ANO4: variants seen among roughly 807,000 people sequenced by gnomAD.
ANO4 encodes anoctamin 4.
A neutral mutation model predicts 141.9 loss-of-function variants in ANO4; 69 were observed. The ratio of observed to expected loss-of-function variants is 0.49; its 90% CI spans 0.40 to 0.59. The LOEUF is 0.59. Ranked by LOEUF, ANO4 falls within the 20% of genes least tolerant of loss-of-function variation. The pLI is 0.00. For synonymous variants in ANO4, 350 were observed against 394.3 expected, an observed-to-expected ratio of 0.89 and a Z score of 1.33; for missense variants, 894 against 1,162.2, an observed-to-expected ratio of 0.77 and a Z score of 3.36.
At chr12:101,003,471 TC>T (rs1455988562) in intron 8 of ANO4, among the ~76,000 whole-genome samples, 1 of 152,218 alleles carries the variant, frequency 6.6e-6, no homozygotes, top group Non-Finnish European at 1.5e-5. Flanking sequence ...ATATGCTTTC[TC>T]CAGGCAGGGA....
At chr12:100,960,096 A>AGAGCTCATGATATGGCTC (rs2043347772) in intron 5 of ANO4, among the ~76,000 whole-genome samples, 1 of 152,166 alleles carries the variant, frequency 6.6e-6, no homozygotes. Flanking sequence ...CTCAATGGCT[A>AGAGCTCATGATATGGCTC]GAGCTCATGA....
intron 22 of ANO4, 82 bp downstream of exon 22, chr12:101,099,802 A>G (rs2050123998): frequency 8.1e-7 from 1 of 1,232,882 alleles, no homozygotes; most frequent in East Asian, 2.7e-5. Context: ...ACCCGTTATC[A>G]TCAAGGTCCT....
intron 14 of ANO4, among the ~76,000 whole-genome samples, chr12:101,075,650 C>T (rs614396): frequency 0.69 from 102,832 of 148,718 alleles, 36,267 homozygotes; most frequent in East Asian, 0.88. Context: ...TATATATATA[C>T]ACACACACAC....
chr12:100,800,780 G>T (rs1225047230), intron 1 of ANO4, among the ~76,000 whole-genome samples: 1 of 152,150 alleles, frequency 6.6e-6, no homozygotes, highest in Non-Finnish European at 1.5e-5. Flanking sequence ...TGCATATCAG[G>T]CCCATAACAG....
At chr12:100,865,005 C>T (rs1237521835) in intron 1 of ANO4, among the ~76,000 whole-genome samples, 1 of 152,098 alleles carries the variant, frequency 6.6e-6, no homozygotes, top group Admixed American at 6.6e-5. Context: ...TGTATATGTG[C>T]CACATTTTCT....
intron 8 of ANO4, among the ~76,000 whole-genome samples, chr12:101,018,096 G>T (rs1281494361): frequency 1.3e-5 from 2 of 152,152 alleles, no homozygotes; most frequent in Admixed American, 1.3e-4. Context: ...TCAGCTTTCA[G>T]TTATCATCTA....
intron 14 of ANO4, among the ~76,000 whole-genome samples, chr12:101,062,115 C>T (rs1051335527): frequency 2.6e-5 from 4 of 152,120 alleles, no homozygotes; most frequent in African/African-American, 7.2e-5. Context: ...TCTGTTTGTT[C>T]GTTTTCCTTC....
intron 24 of ANO4, among the ~76,000 whole-genome samples, chr12:101,115,034 G>A (rs1190088361): frequency 6.6e-6 from 1 of 152,092 alleles, no homozygotes; most frequent in African/African-American, 2.4e-5. Context: ...CTGTGTTCAT[G>A]TCATCATTTT....
intron 7 of ANO4, among the ~76,000 whole-genome samples, chr12:100,975,552 T>C (rs1302202121): frequency 2.3e-5 from 3 of 131,484 alleles, no homozygotes; most frequent in Non-Finnish European, 4.8e-5. Flanking sequence ...GCGATTCTCC[T>C]GCCTCAACCT....
At chr12:100,790,164 G>A (rs1463512011), upstream of ANO4, among the ~76,000 whole-genome samples, 1 of 152,176 alleles carries the variant, frequency 6.6e-6, no homozygotes, top group Non-Finnish European at 1.5e-5. Flanking sequence ...ATAGCAACAG[G>A]TGTAACCAGG....
chr12:100,845,106 G>A (rs1202463516), intron 1 of ANO4, among the ~76,000 whole-genome samples: 1 of 152,166 alleles, frequency 6.6e-6, no homozygotes, highest in African/African-American at 2.4e-5. Context: ...CCATCATAGT[G>A]GCCAGATGGA....
chr12:100,797,571 A>G (rs12305846), intron 1 of ANO4, among the ~76,000 whole-genome samples: 23,027 of 152,146 alleles, frequency 0.15, 1,831 homozygotes, highest in South Asian at 0.22. Context: ...TTTTGCTTGC[A>G]GACTTAGCAA....
intron 1 of ANO4, among the ~76,000 whole-genome samples, chr12:100,845,538 A>G (rs948481097): frequency 5.3e-5 from 8 of 152,100 alleles, no homozygotes; most frequent in Non-Finnish European, 1.2e-4. Flanking sequence ...GAGCCAATAA[A>G]TTTGCTTATA....
In ANO4 at chr12:100,739,858, T is replaced by G. The variant is rs977877979; in HGVS notation, c.111T>G (p.Tyr37Ter). 2.3e-5 allele frequency: 16 copies of G among 702,410 alleles called. No individual in the cohort carries two copies. The highest frequency in any genetic ancestry group is 2.1e-5 in the Non-Finnish European group (8 of 384,688). The allele number at this position is 702,410 out of a possible 1,614,324, so 43.5% of individuals were successfully genotyped here. Residue 37 changes from tyrosine to a stop codon, truncating the protein, a stop_gained, in exon 3 of 30, where the codon TAT becomes TAG. Coordinates refer to the ANO4 transcript ENST00000644049. LOFTEE classifies it high-confidence loss of function. ...CTAATATGTTTATCTCACCAGGTTA[T>G]GACGTTGCGGGGCCTGTGGCAATTG...
intron 5 of ANO4, among the ~76,000 whole-genome samples, chr12:100,957,914 G>C (rs181718403): frequency 1.3e-5 from 2 of 152,106 alleles, no homozygotes; most frequent in Non-Finnish European, 2.9e-5. Flanking sequence ...CGCCATGTTG[G>C]CCAGGCTGGT....
chr12:101,079,351 C>CAGAACAGAGAGTGACAA, intron 15 of ANO4, 76 bp downstream of exon 15: 1 of 1,251,162 alleles, frequency 8.0e-7, no homozygotes, highest in Non-Finnish European at 1.2e-6. Context: ...AAAATTGTCA[C>CAGAACAGAGAGTGACAA]TCTCTGTTCT....
chr12:100,797,725 T>C lies in ANO4; in HGVS notation c.-141+2698T>C, dbSNP rs186231867. Among the ~76,000 whole-genome samples the C allele has an allele frequency of 3.9e-5, 6 of 152,340 alleles. No individual in the cohort carries two copies. The East Asian group carries it at 1.2e-3, about 29-fold the overall frequency. ...CTGTTTCTTTTGGTGGTGGTTTAAT[T>C]TGAAACTTGCAGCTTAAATTATAAA... On this transcript the variant is annotated intron_variant, in intron 1 of 27. Transcript: ENST00000392977.
chr12:100,937,598 T>A (rs1228140614), intron 3 of ANO4, among the ~76,000 whole-genome samples: 3 of 152,184 alleles, frequency 2.0e-5, no homozygotes, highest in Admixed American at 6.5e-5. Flanking sequence ...TGTAGCCTTA[T>A]AGGTCTAAAA....
At position 101,041,418 on chromosome 12, in the gene ANO4, A is replaced by C. The variant is rs140072980; in HGVS notation, c.1020-916A>C. Among the ~76,000 whole-genome samples the C allele has an allele frequency of 3.2e-3, 487 of 152,346 alleles. 1 individual carries two copies. The highest frequency in any genetic ancestry group is 5.4e-3 in the Non-Finnish European group (365 of 68,042). ...AACAGTGGGGGGAAAAACAAAAGTA[A>C]ATTCTCTTCCCAGCCTCGGTGCCAT... On this transcript the variant is annotated intron_variant, in intron 11 of 27. Transcript: ENST00000392977.
Sources: allele counts gnomAD v4.1 joint callset (sites outside exome capture counted in the v4.1 genomes callset), GRCh38; gene constraint gnomAD v4.1.1; transcripts MANE v1.5; gene names NCBI Gene and HGNC (gene_info 2026-07-23, HGNC 2026-07-21).